The following LIMCH1 variants were observed in gnomAD, a reference collection of about 807,000 sequenced individuals.
LIMCH1 encodes LIM and calponin homology domains 1.
LIMCH1 carries 113 observed loss-of-function variants against 176.5 expected under a neutral mutation model. That is an observed-to-expected ratio of 0.64 (90% CI 0.55 to 0.75). The LOEUF (loss-of-function observed/expected upper bound fraction) is 0.75. Among genes scored for constraint, LIMCH1 ranks in the 30% least tolerant of loss-of-function variants. The pLI, the probability that LIMCH1 is intolerant of heterozygous loss-of-function variation, is 0.00. For synonymous variants in LIMCH1, 619 were observed against 645.9 expected, an observed-to-expected ratio of 0.96 and a Z score of 0.63; for missense variants, 1,674 against 1,814.9, an observed-to-expected ratio of 0.92 and a Z score of 1.41.
chr4:41,646,362 G>A (rs2094058927), intron 16 of LIMCH1, 82 bp downstream of exon 16: 2 of 1,506,716 alleles, frequency 1.3e-6, no homozygotes, highest in Non-Finnish European at 9.0e-7. Flanking sequence ...CTGTCACAAA[G>A]GTTCTGATAG....
chr4:41,688,371 G>T (rs1722612033), intron 29 of LIMCH1, among the ~76,000 whole-genome samples: 1 of 152,158 alleles, frequency 6.6e-6, no homozygotes, highest in African/African-American at 2.4e-5. Context: ...CATTAGCTGG[G>T]CCCCATGATA....
intron 1 of LIMCH1, among the ~76,000 whole-genome samples, chr4:41,399,876 G>T (rs13435225): frequency 0.059 from 8,521 of 143,324 alleles, 393 homozygotes; most frequent in African/African-American, 0.12. Context: ...TAGAGATGGG[G>T]TTTCACCATG....
chr4:41,570,423 CT>C (rs1306317247), intron 1 of LIMCH1, among the ~76,000 whole-genome samples: 21 of 152,302 alleles, frequency 1.4e-4, no homozygotes, highest in African/African-American at 5.1e-4. Flanking sequence ...TTAAGCCTTG[CT>C]TTTGTTCTAT....
chr4:41,435,145 G>A (rs2061953499), intron 1 of LIMCH1, among the ~76,000 whole-genome samples: 1 of 152,150 alleles, frequency 6.6e-6, no homozygotes, highest in South Asian at 2.1e-4. Context: ...AGGGGGACTG[G>A]ACATCAGAAG....
At chr4:41,492,464 C>A (rs893752762) in intron 1 of LIMCH1, among the ~76,000 whole-genome samples, 4 of 152,202 alleles carry the variant, frequency 2.6e-5, no homozygotes, top group East Asian at 1.9e-4. Context: ...GGGAGGGGGA[C>A]TTTCTCCCTT....
chr4:41,513,631 T>C (rs1178729382), intron 2 of LIMCH1, among the ~76,000 whole-genome samples: 2 of 152,120 alleles, frequency 1.3e-5, no homozygotes, highest in Admixed American at 1.3e-4. Context: ...AGGAAGGAAC[T>C]AAAAGCCTGT....
At chr4:41,463,946 G>T (rs1437985604) in intron 1 of LIMCH1, among the ~76,000 whole-genome samples, 2 of 152,004 alleles carry the variant, frequency 1.3e-5, no homozygotes, top group Non-Finnish European at 2.9e-5. Flanking sequence ...TCAAACTCCA[G>T]GGCTCCAGCT....
intron 1 of LIMCH1, among the ~76,000 whole-genome samples, chr4:41,398,611 T>G (rs2058061205): frequency 6.6e-6 from 1 of 152,218 alleles, no homozygotes; most frequent in South Asian, 2.1e-4. Context: ...GCATCTGAAC[T>G]GAAATCTGAG....
At chr4:41,439,389 C>T (rs2062456149) in intron 1 of LIMCH1, among the ~76,000 whole-genome samples, 1 of 152,082 alleles carries the variant, frequency 6.6e-6, no homozygotes, top group Non-Finnish European at 1.5e-5. Flanking sequence ...AGTTTGAGAC[C>T]AGCCTGGGCA....
At chr4:41,366,645 A>G (rs369774098) in intron 1 of LIMCH1, among the ~76,000 whole-genome samples, 3 of 151,842 alleles carry the variant, frequency 2.0e-5, no homozygotes, top group African/African-American at 7.3e-5. Flanking sequence ...AGGGCTAAAG[A>G]TAATATAGGG....
chr4:41,682,591 A>C, intron 26 of LIMCH1, 131 bp downstream of exon 26: 1 of 771,302 alleles, frequency 1.3e-6, no homozygotes, highest in Non-Finnish European at 2.0e-6. Flanking sequence ...AATACATTAC[A>C]TATTGTTTGG....
chr4:41,651,047 C>T (rs1421403557), intron 18 of LIMCH1, among the ~76,000 whole-genome samples: 3 of 133,224 alleles, frequency 2.3e-5, no homozygotes, highest in Non-Finnish European at 4.7e-5. Context: ...GCTCTTTTTG[C>T]CTAGGCTGGA....
chr4:41,475,523 A>G (rs2154162908), intron 1 of LIMCH1, among the ~76,000 whole-genome samples: 1 of 152,336 alleles, frequency 6.6e-6, no homozygotes, highest in Non-Finnish European at 1.5e-5. Flanking sequence ...TGTTGAAACC[A>G]CAGAAGCTGG....
intron 1 of LIMCH1, among the ~76,000 whole-genome samples, chr4:41,415,976 C>T (rs760396614): frequency 5.1e-4 from 76 of 148,558 alleles, no homozygotes; most frequent in Non-Finnish European, 8.0e-4. Flanking sequence ...GACTCCGTCT[C>T]GAAAAAAAAA....
At chr4:41,467,907 C>T (rs764604767) in intron 1 of LIMCH1, among the ~76,000 whole-genome samples, 10 of 152,170 alleles carry the variant, frequency 6.6e-5, no homozygotes, top group Admixed American at 2.0e-4. Flanking sequence ...AGCATTGACA[C>T]GTGCGGGACG....
intron 1 of LIMCH1, among the ~76,000 whole-genome samples, chr4:41,445,385 G>C (rs2063182901): frequency 6.6e-6 from 1 of 152,136 alleles, no homozygotes; most frequent in Admixed American, 6.5e-5. Context: ...GTCCATGAAA[G>C]GTGGACTTTT....
intron 13 of LIMCH1, among the ~76,000 whole-genome samples, chr4:41,635,504 A>T (rs1425900535): frequency 1.3e-5 from 2 of 152,182 alleles, no homozygotes; most frequent in African/African-American, 4.8e-5. Context: ...CCGGGATTAC[A>T]GGTTTGAGCC....
chr4:41,612,021 G>C (rs921290018), intron 4 of LIMCH1, among the ~76,000 whole-genome samples: 1 of 152,000 alleles, frequency 6.6e-6, no homozygotes, highest in African/African-American at 2.4e-5. Context: ...GGGTTATGCC[G>C]GCTCTACTCA....
At chr4:41,411,939 A>G (rs895835977) in intron 1 of LIMCH1, among the ~76,000 whole-genome samples, 1 of 132,916 alleles carries the variant, frequency 7.5e-6, no homozygotes, top group Non-Finnish European at 1.6e-5. Flanking sequence ...CCTAGGCGAC[A>G]GAGCGAGACT....
Sources: gnomAD v4.1 joint callset for allele counts (sites outside exome capture counted in the v4.1 genomes callset) on GRCh38, gnomAD v4.1.1 for gene constraint, MANE v1.5 for transcripts, NCBI Gene and HGNC (gene_info 2026-07-23, HGNC 2026-07-21) for gene names.